Variants in SSBP2 observed in about 807,000 individuals in gnomAD.
SSBP2 encodes the protein single-stranded DNA-binding protein 2.
A neutral mutation model predicts 61.8 loss-of-function variants in SSBP2; 17 were observed. The observed-to-expected ratio is 0.28, with a 90% CI of 0.19 to 0.41. The LOEUF is 0.41. SSBP2 is among the 10% of genes least tolerant of loss of function. The pLI is 1.00. For missense variants in SSBP2, 310 were observed against 458.7 expected (o/e 0.68, Z 2.96); for synonymous variants, 139 against 141.3 (o/e 0.98, Z 0.12).
intron 4 of SSBP2, among the ~76,000 whole-genome samples, chr5:81,549,040 C>G (rs780460355): frequency 1.8e-4 from 27 of 152,084 alleles, no homozygotes; most frequent in Non-Finnish European, 3.7e-4. Context: ...ACCTAATAAG[C>G]AAGATATAGT....
At chr5:81,650,228 T>C in intron 2 of SSBP2, 39 bp downstream of exon 2, 2 of 1,368,526 alleles carry the variant, frequency 1.5e-6, no homozygotes, top group Non-Finnish European at 2.0e-6. Flanking sequence ...TTCATTTATA[T>C]AAGATCAAAA....
chr5:81,592,765 C>T (rs952045232), intron 4 of SSBP2, among the ~76,000 whole-genome samples: 1 of 152,180 alleles, frequency 6.6e-6, no homozygotes, highest in African/African-American at 2.4e-5. Flanking sequence ...CTCCAACAGA[C>T]CTGCAGCTGA....
At chr5:81,721,781 A>C (rs1755556785) in intron 1 of SSBP2, among the ~76,000 whole-genome samples, 1 of 152,132 alleles carries the variant, frequency 6.6e-6, no homozygotes, top group African/African-American at 2.4e-5. Flanking sequence ...GAACCATTTC[A>C]TCAGCATCAT....
chr5:81,642,222 T>A (rs534454700), intron 2 of SSBP2, among the ~76,000 whole-genome samples: 8 of 152,320 alleles, frequency 5.3e-5, no homozygotes, highest in Non-Finnish European at 1.2e-4. Context: ...CAGGCCTATT[T>A]AGGTTTTTGG....
chr5:81,710,779 G>T (rs186703044), intron 1 of SSBP2: 1 of 431,840 alleles, frequency 2.3e-6, no homozygotes, highest in Non-Finnish European at 4.6e-6. Flanking sequence ...CTAAAAAGAA[G>T]TGAGATAATA....
intron 4 of SSBP2, among the ~76,000 whole-genome samples, chr5:81,604,759 G>A (rs1008501244): frequency 3.9e-5 from 6 of 152,098 alleles, no homozygotes; most frequent in South Asian, 4.1e-4. Context: ...AGGCTACCAC[G>A]ATGTCACTTC....
rs148845126 is a variant in SSBP2, at chr5:81,542,741, G to C, written c.283-29024C>G. On this transcript the variant is annotated intron_variant, in intron 4 of 16. Coordinates refer to ENST00000320672, the MANE Select transcript of SSBP2 (RefSeq NM_012446.5). ...CCAGGTGGGAGGTGATTGGATCATG[G>C]GGTGGCTTCCCCTATGCTGTTCTTA... Among the ~76,000 whole-genome samples the C allele has an allele frequency of 9.8e-4, 148 of 151,490 alleles. 2 individuals carry two copies. In the East Asian group the frequency reaches 0.026, roughly 26 times the overall value.
Position 81,595,840 on chromosome 5 carries a change from T to C in SSBP2, c.282+19633A>G, listed in dbSNP as rs376304716. ...TAAATTAGGTATTGATGGGACGTAT[T>C]TCAAAATAATAAGAGCTATCTATGA... On this transcript the variant is annotated intron_variant, in intron 4 of 16. Coordinates refer to ENST00000320672, the MANE Select transcript of SSBP2 (RefSeq NM_012446.5). Among the ~76,000 whole-genome samples the C allele has an allele frequency of 5.1e-4, 78 of 152,224 alleles. 1 individual carries two copies. The East Asian group carries it at 0.014, about 27-fold the overall frequency.
At position 81,448,791 on chromosome 5, in the gene SSBP2, A is replaced by G. The variant is rs754668211; in HGVS notation, c.722T>C (p.Val241Ala). The change falls in exon 11 of 17, where the codon GTA (valine) becomes GCA (alanine). Residue 241 changes from valine (V) to alanine (A), a missense_variant and splice_region_variant. Val to Ala is a moderately conservative substitution (Grantham distance 64, BLOSUM62 0). Coordinates refer to ENST00000320672, the MANE Select transcript of SSBP2 (RefSeq NM_012446.5). ...GCAAACAAACCCAAATGTACTTACT[A>G]CATAATTCCCAGGAGATGCTGAGGA... 4 of 1,612,754 alleles carry G rather than the reference A, an allele frequency of 2.5e-6. No individual in the cohort carries two copies. In the East Asian group the frequency reaches 6.7e-5, roughly 27 times the overall value.
intron 1 of SSBP2, among the ~76,000 whole-genome samples, chr5:81,723,004 A>G (rs1347591993): frequency 6.6e-6 from 1 of 151,992 alleles, no homozygotes; most frequent in African/African-American, 2.4e-5. Flanking sequence ...GTAATTATTT[A>G]TACATATATT....
chr5:81,596,848 T>C (rs1466447602), intron 4 of SSBP2, among the ~76,000 whole-genome samples: 1 of 147,480 alleles, frequency 6.8e-6, no homozygotes. Flanking sequence ...TCAAGATGGA[T>C]TAAAGACTTA....
At chr5:81,591,853 G>C (rs1459600758) in intron 4 of SSBP2, among the ~76,000 whole-genome samples, 1 of 152,152 alleles carries the variant, frequency 6.6e-6, no homozygotes, top group Admixed American at 6.5e-5. Context: ...GGACAGAGAG[G>C]AGGAGCCAAG....
intron 4 of SSBP2, among the ~76,000 whole-genome samples, chr5:81,568,358 C>T (rs910945057): frequency 1.3e-5 from 2 of 152,262 alleles, no homozygotes; most frequent in Admixed American, 1.3e-4. Context: ...TCTCTCTTTG[C>T]CTGCTGCCAT....
intron 3 of SSBP2, among the ~76,000 whole-genome samples, chr5:81,618,190 G>A (rs1383136886): frequency 5.1e-5 from 4 of 78,930 alleles, no homozygotes; most frequent in Admixed American, 1.6e-4. Context: ...CCATCAGTGT[G>A]CTGTATTCAG....
rs1289693676 is a variant in SSBP2, at chr5:81,418,833, T to C, written c.*1671A>G. 1.3e-5 allele frequency: 2 copies of C among 152,188 alleles called. No homozygotes were observed. Among genetic ancestry groups the C allele is most frequent in the Non-Finnish European group, 2.9e-5 (2 of 68,016 alleles). 9.4% of individuals were successfully genotyped at this position (152,188 alleles called of 1,614,324 possible). A position where few individuals can be genotyped will look rare whatever the true frequency, so the allele number is the denominator to read the frequency against. On this transcript the variant is annotated 3_prime_UTR_variant, in exon 17 of 17. Coordinates refer to ENST00000320672, the MANE Select transcript of SSBP2 (RefSeq NM_012446.5). Reference sequence around the variant, plus strand: ...AGTCTGTGGTTGATTGGAATGTCATTATGAGCTGCATGACTATATCCTGCC... The same window carrying C: ...AGTCTGTGGTTGATTGGAATGTCATCATGAGCTGCATGACTATATCCTGCC...
intron 3 of SSBP2, 107 bp from the exon 4 acceptor site, chr5:81,615,664 C>T: frequency 1.4e-6 from 1 of 735,862 alleles, no homozygotes; most frequent in Middle Eastern, 3.8e-4. Context: ...AATGTTTTGT[C>T]TTCAGAACAG....
chr5:81,690,903 G>A (rs1228368173), intron 1 of SSBP2, among the ~76,000 whole-genome samples: 1 of 152,022 alleles, frequency 6.6e-6, no homozygotes, highest in Non-Finnish European at 1.5e-5. Flanking sequence ...CCAGAACTCG[G>A]TAACAAGAGG....
At chr5:81,624,540 T>A (rs1273993311) in intron 3 of SSBP2, among the ~76,000 whole-genome samples, 1 of 152,204 alleles carries the variant, frequency 6.6e-6, no homozygotes, top group South Asian at 2.1e-4. Context: ...TTGAGTTTCA[T>A]GTTGGCACTC....
intron 1 of SSBP2, among the ~76,000 whole-genome samples, chr5:81,715,230 T>C (rs1437422042): frequency 6.6e-6 from 1 of 152,060 alleles, no homozygotes; most frequent in Non-Finnish European, 1.5e-5. Flanking sequence ...GAGTAGGATT[T>C]TCTAGGTCAA....
Sources: allele counts gnomAD v4.1 joint callset (sites outside exome capture counted in the v4.1 genomes callset), GRCh38; gene constraint gnomAD v4.1.1; transcripts MANE v1.5; gene names NCBI Gene and HGNC (gene_info 2026-07-23, HGNC 2026-07-21).